ASTN2: variants seen among roughly 807,000 people sequenced by gnomAD.
ASTN2 encodes astrotactin 2.
A neutral mutation model predicts 139.8 loss-of-function variants in ASTN2; 54 were observed. The observed-to-expected ratio is 0.39, with a 90% CI of 0.31 to 0.48. ASTN2 has a LOEUF of 0.48. Among genes scored for constraint, ASTN2 ranks in the 20% least tolerant of loss-of-function variants. ASTN2 has a pLI of 0.95. For synonymous variants in ASTN2, 756 were observed against 719.5 expected (o/e 1.05, Z -0.81); for missense variants, 1,565 against 1,725.1 (o/e 0.91, Z 1.64).
chr9:117,412,528 G>T (rs1010199698), intron 1 of ASTN2, among the ~76,000 whole-genome samples: 2 of 152,188 alleles, frequency 1.3e-5, no homozygotes, highest in African/African-American at 4.8e-5. Context: ...AAATGGCAAA[G>T]ATTGTCAGTT....
At chr9:117,219,294 C>T (rs960457808) in intron 2 of ASTN2, among the ~76,000 whole-genome samples, 5 of 152,070 alleles carry the variant, frequency 3.3e-5, no homozygotes, top group African/African-American at 1.2e-4. Context: ...AAGGCAGGAG[C>T]AATCGACCAG....
chr9:117,103,136 T>C (rs772624749), intron 4 of ASTN2, among the ~76,000 whole-genome samples: 2 of 152,178 alleles, frequency 1.3e-5, no homozygotes, highest in Non-Finnish European at 2.9e-5. Flanking sequence ...TGTTTATGCA[T>C]TCTTTAAACA....
At chr9:116,903,469 C>T (rs1315017470) in intron 10 of ASTN2, among the ~76,000 whole-genome samples, 1 of 152,196 alleles carries the variant, frequency 6.6e-6, no homozygotes, top group African/African-American at 2.4e-5. Context: ...GCAATGTGAC[C>T]TTGAGTGTTA....
intron 7 of ASTN2, among the ~76,000 whole-genome samples, chr9:116,994,180 C>G (rs1836945680): frequency 6.6e-6 from 1 of 152,012 alleles, no homozygotes; most frequent in Non-Finnish European, 1.5e-5. Context: ...CAAATATGTT[C>G]AGGTTTACAA....
chr9:117,116,744 A>G (rs951557848), intron 4 of ASTN2, among the ~76,000 whole-genome samples: 5 of 142,204 alleles, frequency 3.5e-5, no homozygotes, highest in African/African-American at 1.3e-4. Context: ...TCCTGTGGCC[A>G]GTAGAGTTAT....
chr9:116,934,864 A>T (rs2132457789), intron 10 of ASTN2, among the ~76,000 whole-genome samples: 1 of 152,258 alleles, frequency 6.6e-6, no homozygotes, highest in East Asian at 1.9e-4. Flanking sequence ...TGATGTTTAT[A>T]TACCCCCCTG....
chr9:116,560,563 G>A (rs538283229), intron 19 of ASTN2, among the ~76,000 whole-genome samples: 1 of 151,852 alleles, frequency 6.6e-6, no homozygotes, highest in South Asian at 2.1e-4. Flanking sequence ...CTTCCCTCCA[G>A]CCTCAAGTCT....
intron 16 of ASTN2, among the ~76,000 whole-genome samples, chr9:116,723,601 G>A (rs888391663): frequency 9.2e-5 from 14 of 152,118 alleles, no homozygotes; most frequent in Non-Finnish European, 1.5e-4. Context: ...GAGAAAAGGG[G>A]ATACTAGCTA....
intron 1 of ASTN2, among the ~76,000 whole-genome samples, chr9:117,337,345 C>A (rs1211105916): frequency 6.6e-6 from 1 of 152,098 alleles, no homozygotes; most frequent in African/African-American, 2.4e-5. Context: ...AAAATTCCTG[C>A]ACATTAAGGC....
chr9:117,177,004 G>A (rs1196693926), intron 3 of ASTN2, among the ~76,000 whole-genome samples: 1 of 152,170 alleles, frequency 6.6e-6, no homozygotes, highest in Non-Finnish European at 1.5e-5. Context: ...GAGCATTCTA[G>A]CAGACAGTAC....
At chr9:116,785,536 A>G (rs1215800348) in intron 13 of ASTN2, among the ~76,000 whole-genome samples, 1 of 152,158 alleles carries the variant, frequency 6.6e-6, no homozygotes, top group East Asian at 1.9e-4. Context: ...AATCAAGTTC[A>G]TCTTTTAACA....
At chr9:116,582,377 A>G (rs28458412) in intron 19 of ASTN2, 43,530 of 152,208 alleles carry the variant, frequency 0.29, 7,224 homozygotes, top group Admixed American at 0.43. Flanking sequence ...TGAAAGGAAG[A>G]ATACAAATAA....
At chr9:116,507,609 T>A (rs1255915147) in intron 19 of ASTN2, among the ~76,000 whole-genome samples, 2 of 152,142 alleles carry the variant, frequency 1.3e-5, no homozygotes, top group African/African-American at 4.8e-5. Flanking sequence ...TGGTGCCTCG[T>A]GGGTATTCAG....
At chr9:117,086,812 C>T (rs1420360999) in intron 5 of ASTN2, among the ~76,000 whole-genome samples, 1 of 152,180 alleles carries the variant, frequency 6.6e-6, no homozygotes, top group East Asian at 1.9e-4. Context: ...CTAGCTAACC[C>T]TTTTTCTTGA....
chr9:117,395,258 C>T (rs760018092), intron 1 of ASTN2, among the ~76,000 whole-genome samples: 99 of 152,238 alleles, frequency 6.5e-4, no homozygotes, highest in Non-Finnish European at 1.3e-3. Flanking sequence ...ACTGTGTCCC[C>T]TCATAAGCCA....
chr9:116,478,014 A>G (rs1396028140), intron 20 of ASTN2, among the ~76,000 whole-genome samples: 1 of 151,028 alleles, frequency 6.6e-6, no homozygotes, highest in Non-Finnish European at 1.5e-5. Context: ...ATAAAAGGCC[A>G]GGCAGAAACA....
intron 16 of ASTN2, among the ~76,000 whole-genome samples, chr9:116,722,193 A>G (rs1015730589): frequency 2.2e-4 from 33 of 152,222 alleles, no homozygotes; most frequent in African/African-American, 7.5e-4. Context: ...CATGCTGGTA[A>G]TGAACAACGT....
At chr9:116,446,752 T>C (rs555759980) in intron 20 of ASTN2, among the ~76,000 whole-genome samples, 5 of 152,182 alleles carry the variant, frequency 3.3e-5, no homozygotes, top group Admixed American at 6.5e-5. Flanking sequence ...CCAAGGTGGC[T>C]GAAACCTGAA....
At position 117,002,235 on chromosome 9, in the gene ASTN2, T is replaced by C. The variant is rs1306740841; in HGVS notation, c.1591+5857A>G. Reference sequence around the variant, plus strand: ...AACTTTCAAACAGTAACTCAAGTTTTAATCTGGTTTTTAGTCAACAAAGAA... The same window carrying C: ...AACTTTCAAACAGTAACTCAAGTTTCAATCTGGTTTTTAGTCAACAAAGAA... On this transcript the variant is annotated intron_variant, in intron 7 of 22. Coordinates refer to ENST00000313400, the MANE Select transcript of ASTN2 (RefSeq NM_001365068.1). Among the ~76,000 whole-genome samples the C allele has an allele frequency of 2.6e-5, 4 of 152,202 alleles. No individual in the cohort carries two copies. The East Asian group carries it at 7.7e-4, about 29-fold the overall frequency.
Sources: gnomAD v4.1 joint callset for allele counts (sites outside exome capture counted in the v4.1 genomes callset) on GRCh38, gnomAD v4.1.1 for gene constraint, MANE v1.5 for transcripts, NCBI Gene and HGNC (gene_info 2026-07-23, HGNC 2026-07-21) for gene names.